The following TTC8 variants were observed in gnomAD, a reference collection of about 807,000 sequenced individuals.
TTC8 encodes the protein tetratricopeptide repeat domain 8.
In TTC8, 47 loss-of-function variants were observed where a neutral mutation model predicts 72.5. That is an observed-to-expected ratio of 0.65 (90% CI 0.51 to 0.83). TTC8 has a LOEUF of 0.83. TTC8 is among the 40% of genes least tolerant of loss of function. The pLI is 0.00. For missense variants in TTC8, 611 were observed against 623.2 expected (o/e 0.98, Z 0.21); for synonymous variants, 199 against 221.4 (o/e 0.90, Z 0.90).
chr14:88,874,844 G>A lies in TTC8; in HGVS notation c.1348-182G>A, dbSNP rs201679473. Among the ~76,000 whole-genome samples, 31 of 152,012 alleles carry A rather than the reference G, an allele frequency of 2.0e-4. 1 individual carries two copies. The East Asian group carries it at 5.8e-3, about 28-fold the overall frequency. On this transcript the variant is annotated intron_variant, in intron 13 of 14. Coordinates refer to ENST00000380656, the MANE Select transcript of TTC8 (RefSeq NM_144596.4). The stretch of plus-strand genomic sequence containing the variant: ...ACATAATTTTGGCAAGGTATCAGTA[G>A]TTAATTGTATTTCATGAAGTCATTG...
At chr14:88,843,714 T>C (rs2094792799) in intron 6 of TTC8, 92 bp from the exon 7 acceptor site, 1 of 869,042 alleles carries the variant, frequency 1.2e-6, no homozygotes, top group Non-Finnish European at 1.8e-6. Context: ...GATAGGCCCT[T>C]TTATCTATAA....
chr14:88,824,482 C>T (rs188467006), upstream of TTC8: 2 of 570,360 alleles, frequency 3.5e-6, no homozygotes, highest in African/African-American at 1.9e-5. Context: ...AAACCTGTAG[C>T]CTTTAAAAGT....
intron 7 of TTC8, among the ~76,000 whole-genome samples, chr14:88,847,251 T>C (rs2094811234): frequency 6.6e-6 from 1 of 152,146 alleles, no homozygotes; most frequent in Non-Finnish European, 1.5e-5. Flanking sequence ...TGCCAGGTGT[T>C]CCTGTGTAGT....
Position 88,864,666 on chromosome 14 carries a change from T to A in TTC8, c.909+3334T>A, listed in dbSNP as rs569505445. On this transcript the variant is annotated intron_variant, in intron 10 of 14. Coordinates refer to ENST00000380656, the MANE Select transcript of TTC8 (RefSeq NM_144596.4). ...AGTGGAGAGGAAAGCATCTTAGCTGTAGGGACAATCATGCACAAATAGAGT... is the reference window on the plus strand; with the variant it reads ...AGTGGAGAGGAAAGCATCTTAGCTGAAGGGACAATCATGCACAAATAGAGT... Among the ~76,000 whole-genome samples, 226 of 152,318 alleles carry A rather than the reference T, an allele frequency of 1.5e-3. 1 individual carries two copies. Among genetic ancestry groups the A allele is most frequent in the Middle Eastern group, 6.8e-3 (2 of 294 alleles).
In TTC8 at chr14:88,839,536, A is replaced by G; in HGVS notation, c.229A>G (p.Met77Val). 1 of 1,613,332 alleles carries G rather than the reference A, an allele frequency of 6.2e-7. No individual in the cohort carries two copies. Among genetic ancestry groups the G allele is most frequent in the Non-Finnish European group, 8.5e-7 (1 of 1,179,508 alleles). ...IDVDQEGIAE[M>V]MLDENAIAQV... Reference sequence around the variant, plus strand: ...TGTAGATCAGGAAGGAATTGCAGAAATGATGCTGGATGAAAATGCTATAGC... The same window carrying G: ...TGTAGATCAGGAAGGAATTGCAGAAGTGATGCTGGATGAAAATGCTATAGC... Residue 77 changes from methionine (M) to valine (V), a missense_variant, in exon 3 of 15, where the codon ATG becomes GTG. Met to Val is a conservative substitution (Grantham distance 21). Transcript: ENST00000380656.
intron 1 of TTC8, among the ~76,000 whole-genome samples, chr14:88,827,079 A>C (rs1305214242): frequency 6.6e-6 from 1 of 152,134 alleles, no homozygotes; most frequent in Non-Finnish European, 1.5e-5. Flanking sequence ...TATCCTGGGA[A>C]GATGTTGGTA....
rs767487058 is a variant in TTC8, at chr14:88,824,677, C to T, written c.-31C>T. 5 of 1,542,202 alleles carry T rather than the reference C, an allele frequency of 3.2e-6. No homozygotes were observed. The highest frequency in any genetic ancestry group is 1.4e-5 in the African/African-American group (1 of 73,600). On this transcript the variant is annotated 5_prime_UTR_variant, in exon 1 of 15. Transcript: ENST00000380656. ...CTCCACGCCCACCTCTCTCCTGGAG[C>T]GCTGGGCCTTCGCTGGCCGCACCGG...
intron 5 of TTC8, 111 bp from the exon 6 acceptor site, chr14:88,841,314 T>C: frequency 1.3e-6 from 2 of 1,582,644 alleles, no homozygotes; most frequent in Non-Finnish European, 1.7e-6. Flanking sequence ...GGAAGATTTT[T>C]GAAGGTGATT....
intron 11 of TTC8, among the ~76,000 whole-genome samples, chr14:88,870,620 C>A (rs1198033761): frequency 6.6e-6 from 1 of 152,204 alleles, no homozygotes. Flanking sequence ...AACAGAATCA[C>A]CTGTTTTGTG....
intron 2 of TTC8, 116 bp from the exon 3 acceptor site, chr14:88,839,336 G>A: frequency 9.3e-7 from 1 of 1,070,654 alleles, no homozygotes; most frequent in Non-Finnish European, 1.3e-6. Context: ...TGTGTTAAGA[G>A]GTAAACATGT....
intron 14 of TTC8, among the ~76,000 whole-genome samples, chr14:88,876,875 G>A (rs1456459441): frequency 1.3e-5 from 2 of 151,980 alleles, no homozygotes; most frequent in Non-Finnish European, 2.9e-5. Flanking sequence ...TTTGTTTGTG[G>A]TACCTTACAG....
rs947237266 is a variant in TTC8 at position 88,871,790 on chromosome 14, G to A, written c.1224+67G>A. The A allele has an allele frequency of 1.9e-6, 3 of 1,545,196 alleles. No homozygotes were observed. The highest frequency in any genetic ancestry group is 2.2e-5 in the East Asian group (1 of 44,454). ...GTTTGAGCCAGACACAGTGGCTCAT[G>A]CCTATAATTCCAGCATTTTGGGAGG... On this transcript the variant is annotated intron_variant, in intron 12 of 14. Transcript: ENST00000380656. The surrounding 1 kb of genome is among the most constrained non-coding windows in gnomAD (Gnocchi z 4.1).
chr14:88,832,700 A>G (rs1396787765), intron 1 of TTC8, among the ~76,000 whole-genome samples: 1 of 152,204 alleles, frequency 6.6e-6, no homozygotes, highest in African/African-American at 2.4e-5. Context: ...GAAAGAATAG[A>G]ATGTGTTACT....
chr14:88,862,170 T>C (rs1310567333), intron 10 of TTC8, among the ~76,000 whole-genome samples: 1 of 152,126 alleles, frequency 6.6e-6, no homozygotes, highest in Non-Finnish European at 1.5e-5. Flanking sequence ...TTTTTGATGA[T>C]AGCCGTTCTA....
rs1043624130 is a variant in TTC8, at chr14:88,852,855, G to T, written c.625-116G>T. The T allele has an allele frequency of 5.5e-6, 5 of 914,746 alleles. No homozygotes were observed. The African/African-American group carries it at 8.3e-5, about 15-fold the overall frequency. 56.7% of individuals were successfully genotyped at this position (914,746 alleles called of 1,614,324 possible). A position where few individuals can be genotyped will look rare whatever the true frequency, so the allele number is the denominator to read the frequency against. On this transcript the variant is annotated intron_variant, in intron 7 of 14. Coordinates refer to ENST00000380656, the MANE Select transcript of TTC8 (RefSeq NM_144596.4). ...ACATGAGCAACTTGAGTTTCTGTCG[G>T]ATTTCTAATGCACATTTTGATTGGT... is the stretch of plus-strand genomic sequence containing the variant.
intron 1 of TTC8, chr14:88,830,860 G>A (rs113982416): frequency 0.016 from 7,245 of 455,940 alleles, 88 homozygotes; most frequent in Non-Finnish European, 0.024. Flanking sequence ...AAAACATTCC[G>A]ACTCTTCCTT....
At chr14:88,845,775 A>G (rs2094803417) in intron 7 of TTC8, among the ~76,000 whole-genome samples, 1 of 152,160 alleles carries the variant, frequency 6.6e-6, no homozygotes, top group Admixed American at 6.5e-5. Flanking sequence ...CTTTCATCCA[A>G]TGTATGTTTG....
intron 7 of TTC8, among the ~76,000 whole-genome samples, chr14:88,852,331 T>A (rs1047833371): frequency 6.6e-6 from 1 of 152,174 alleles, no homozygotes; most frequent in African/African-American, 2.4e-5. Context: ...TAAACAAATG[T>A]AAAATATGAA....
chr14:88,845,310 C>T (rs1389906488), intron 7 of TTC8, among the ~76,000 whole-genome samples: 2 of 152,040 alleles, frequency 1.3e-5, no homozygotes, highest in African/African-American at 4.8e-5. Context: ...GTTTTATTGG[C>T]AGAAATGGGA....
Sources: allele counts gnomAD v4.1 joint callset (sites outside exome capture counted in the v4.1 genomes callset), GRCh38; gene constraint gnomAD v4.1.1; non-coding constraint Gnocchi (gnomAD v3.1); transcripts MANE v1.5; gene names NCBI Gene and HGNC (gene_info 2026-07-23, HGNC 2026-07-21).